Variants in MYOM1 observed in about 807,000 individuals in gnomAD.
MYOM1 encodes myomesin-1.
Under a neutral mutation model 205.3 loss-of-function variants are expected in MYOM1, and 164 were observed. The ratio of observed to expected loss-of-function variants is 0.80; its 90% CI spans 0.70 to 0.91. The LOEUF (loss-of-function observed/expected upper bound fraction) is 0.91. Among genes scored for constraint, MYOM1 ranks in the 40% least tolerant of loss-of-function variants. The pLI is 0.00. For synonymous variants in MYOM1, 772 were observed against 789.4 expected, an observed-to-expected ratio of 0.98 and a Z score of 0.37; for missense variants, 2,011 against 2,127.3, an observed-to-expected ratio of 0.95 and a Z score of 1.08.
Position 3,135,689 on chromosome 18 carries a change from C to T in MYOM1, c.2067G>A (p.Glu689=), listed in dbSNP as rs1297171246. 9.3e-6 allele frequency: 15 copies of T among 1,613,960 alleles called. No homozygotes were observed. The highest frequency in any genetic ancestry group is 2.7e-5 in the African/African-American group (2 of 75,040). The change falls in exon 15 of 38, where the codon GAG becomes GAA. Residue 689 remains glutamate (E), a synonymous_variant. Coordinates refer to ENST00000356443, the MANE Select transcript of MYOM1 (RefSeq NM_003803.4). The surrounding 1 kb of genome is among the most constrained non-coding windows in gnomAD (Gnocchi z 4.1). ...GTENWQRVNT[E]LPVKSPRFAL... is the part of the protein sequence containing the mutation. ...CAAAGCGGGGAGACTTCACAGGGAG[C>T]TCCGTGTTCACTCGCTGCCAGTTTT... is the stretch of plus-strand genomic sequence containing the variant.
intron 2 of MYOM1, among the ~76,000 whole-genome samples, chr18:3,197,662 A>G (rs1219600820): frequency 1.3e-5 from 2 of 151,930 alleles, no homozygotes; most frequent in East Asian, 3.9e-4. Context: ...TCACGAGGTC[A>G]GGAGATCGAG....
chr18:3,087,708 T>C (rs1203624331), intron 29 of MYOM1, among the ~76,000 whole-genome samples: 1 of 152,170 alleles, frequency 6.6e-6, no homozygotes, highest in African/African-American at 2.4e-5. Context: ...CAGGCTGGTC[T>C]TGAAGTCCTG....
At chr18:3,138,942 G>A (rs2080010076) in intron 14 of MYOM1, among the ~76,000 whole-genome samples, 1 of 152,092 alleles carries the variant, frequency 6.6e-6, no homozygotes, top group Non-Finnish European at 1.5e-5. Flanking sequence ...GTGACCTCGG[G>A]CAAATTATAT....
intron 2 of MYOM1, among the ~76,000 whole-genome samples, chr18:3,213,826 C>A (rs1052870512): frequency 6.6e-6 from 1 of 152,262 alleles, no homozygotes; most frequent in Admixed American, 6.5e-5. Flanking sequence ...TCAATTCCCA[C>A]TTCTGGTGAG....
intron 20 of MYOM1, among the ~76,000 whole-genome samples, chr18:3,119,288 C>T (rs897399105): frequency 2.6e-5 from 4 of 151,992 alleles, no homozygotes; most frequent in African/African-American, 7.3e-5. Flanking sequence ...GAGAGGCAAG[C>T]GGAGAGAGGT....
intron 13 of MYOM1, among the ~76,000 whole-genome samples, chr18:3,144,485 G>T (rs1028562283): frequency 6.6e-6 from 1 of 152,090 alleles, no homozygotes. Context: ...CCATATCAAC[G>T]ATCAGATGAA....
At chr18:3,095,365 T>C (rs1353819061) in intron 25 of MYOM1, among the ~76,000 whole-genome samples, 5 of 152,040 alleles carry the variant, frequency 3.3e-5, no homozygotes, top group Non-Finnish European at 5.9e-5. Flanking sequence ...GGTCAGAAGT[T>C]CGAGACCAGC....
chr18:3,185,214 T>C (rs1157880844), intron 5 of MYOM1, among the ~76,000 whole-genome samples: 11 of 152,260 alleles, frequency 7.2e-5, no homozygotes, highest in Admixed American at 7.2e-4. Context: ...TTTTGCTTAA[T>C]AACACCATCA....
intron 12 of MYOM1, among the ~76,000 whole-genome samples, chr18:3,150,518 A>G (rs1037874020): frequency 6.6e-6 from 1 of 152,170 alleles, no homozygotes; most frequent in African/African-American, 2.4e-5. Flanking sequence ...GCTGGCATCT[A>G]GTGGGTAGAG....
intron 2 of MYOM1, among the ~76,000 whole-genome samples, chr18:3,211,235 C>T (rs73377261): frequency 0.037 from 5,680 of 152,280 alleles, 295 homozygotes; most frequent in African/African-American, 0.12. Flanking sequence ...CATAATACCA[C>T]CTTTTCTGTA....
At chr18:3,208,126 G>A (rs958776492) in intron 2 of MYOM1, among the ~76,000 whole-genome samples, 46 of 152,178 alleles carry the variant, frequency 3.0e-4, no homozygotes, top group African/African-American at 1.1e-3. Flanking sequence ...CTCTCTCCCT[G>A]TGTTTACAGC....
intron 21 of MYOM1, 128 bp from the exon 22 acceptor site, chr18:3,112,540 G>T: frequency 1.7e-6 from 1 of 590,720 alleles, no homozygotes; most frequent in Non-Finnish European, 2.8e-6. Flanking sequence ...TACAAGACTT[G>T]TGGTCTAGAT....
chr18:3,108,433 C>T (rs2079479625), intron 22 of MYOM1, among the ~76,000 whole-genome samples: 1 of 152,010 alleles, frequency 6.6e-6, no homozygotes, highest in African/African-American at 2.4e-5. Flanking sequence ...ACATAGTAGA[C>T]AAAAAATTCT....
Position 3,214,927 on chromosome 18 carries a change from G to A in MYOM1, c.290+7C>T, listed in dbSNP as rs1316466936. The A allele has an allele frequency of 6.3e-7, 1 of 1,579,264 alleles. No individual in the cohort carries two copies. The highest frequency in any genetic ancestry group is 8.6e-7 in the Non-Finnish European group (1 of 1,159,990). Reference sequence around the variant, plus strand: ...GTTGGAAGGTTGGAGGAGGGCGTCCGACATACCCATGGGAGGAGCCATAAT... The same window carrying A: ...GTTGGAAGGTTGGAGGAGGGCGTCCAACATACCCATGGGAGGAGCCATAAT... On this transcript the variant is annotated splice_region_variant and intron_variant, in intron 2 of 37. Coordinates refer to ENST00000356443, the MANE Select transcript of MYOM1 (RefSeq NM_003803.4).
intron 16 of MYOM1, among the ~76,000 whole-genome samples, chr18:3,131,815 G>T (rs566047176): frequency 6.6e-6 from 1 of 151,552 alleles, no homozygotes; most frequent in Non-Finnish European, 1.5e-5. Flanking sequence ...TAGACAAGAA[G>T]GTAACTAAGG....
chr18:3,190,460 C>G (rs1435216612), intron 3 of MYOM1: 1 of 152,156 alleles, frequency 6.6e-6, no homozygotes, highest in Admixed American at 6.5e-5. Context: ...TTCTCATGGA[C>G]TATTCCTAAA....
intron 13 of MYOM1, among the ~76,000 whole-genome samples, chr18:3,142,958 G>A (rs764541227): frequency 1.4e-4 from 21 of 151,962 alleles, no homozygotes; most frequent in Admixed American, 4.6e-4. Context: ...AAATAATGGG[G>A]TACAGAAGAA....
chr18:3,215,892 G>A lies in MYOM1; in HGVS notation c.-28-641C>T, dbSNP rs116807116. Among the ~76,000 whole-genome samples, 982 of 152,252 alleles carry A rather than the reference G, an allele frequency of 6.4e-3. 7 individuals carry two copies. The highest frequency in any genetic ancestry group is 0.023 in the African/African-American group (938 of 41,540). On this transcript the variant is annotated intron_variant, in intron 1 of 37. Coordinates refer to ENST00000356443, the MANE Select transcript of MYOM1 (RefSeq NM_003803.4). ...TTGGGACTTCATTTGGGAGAATGTG[G>A]AAGGATAGAGAGTCATGTGGTGTTC...
chr18:3,129,551 T>C (rs761865666), intron 17 of MYOM1, 32 bp from the exon 18 acceptor site: 1 of 1,587,248 alleles, frequency 6.3e-7, no homozygotes, highest in Non-Finnish European at 8.6e-7. Flanking sequence ...AGAAACGCAT[T>C]GAGCCCGGAC....
Sources: gnomAD v4.1 joint callset for allele counts (sites outside exome capture counted in the v4.1 genomes callset) on GRCh38, gnomAD v4.1.1 for gene constraint, Gnocchi (gnomAD v3.1) non-coding constraint, MANE v1.5 for transcripts, NCBI Gene and HGNC (gene_info 2026-07-23, HGNC 2026-07-21) for gene names.